The following SGCZ variants were observed in gnomAD, a reference collection of about 807,000 sequenced individuals.
SGCZ encodes the protein sarcoglycan zeta.
In SGCZ, 40 loss-of-function variants were observed where a neutral mutation model predicts 41.3. The observed-to-expected ratio is 0.97, with a 90% CI of 0.75 to 1.26. The LOEUF (loss-of-function observed/expected upper bound fraction) is 1.26. SGCZ is among the 50% of genes most tolerant of loss of function. The pLI, the probability that SGCZ is intolerant of heterozygous loss-of-function variation, is 0.00. For missense variants in SGCZ, 552 were observed against 369.8 expected, an observed-to-expected ratio of 1.49 and a Z score of -4.04; for synonymous variants, 206 against 137.5, an observed-to-expected ratio of 1.50 and a Z score of -3.49.
At chr8:14,945,468 G>C (rs1378248181) in intron 1 of SGCZ, among the ~76,000 whole-genome samples, 1 of 152,022 alleles carries the variant, frequency 6.6e-6, no homozygotes, top group East Asian at 1.9e-4. Flanking sequence ...TGAAGAGTTG[G>C]TCAAATTTTA....
At chr8:14,361,251 TCTC>T (rs1190810951) in intron 2 of SGCZ, among the ~76,000 whole-genome samples, 8 of 152,154 alleles carry the variant, frequency 5.3e-5, no homozygotes, top group Non-Finnish European at 1.0e-4. Flanking sequence ...TTGGTAAAGT[TCTC>T]CTGGATAATA....
intron 1 of SGCZ, among the ~76,000 whole-genome samples, chr8:14,805,946 A>G (rs1439484364): frequency 6.6e-6 from 1 of 150,736 alleles, no homozygotes; most frequent in African/African-American, 2.4e-5. Context: ...CCGCTCAACT[A>G]CATGGAAACT....
At chr8:14,864,818 A>T (rs1346699226) in intron 1 of SGCZ, among the ~76,000 whole-genome samples, 2 of 151,960 alleles carry the variant, frequency 1.3e-5, no homozygotes, top group Non-Finnish European at 2.9e-5. Context: ...GTTCCTCCTT[A>T]TCCTCATCAG....
At chr8:15,191,954 A>G (rs1411498305) in intron 1 of SGCZ, among the ~76,000 whole-genome samples, 1 of 152,096 alleles carries the variant, frequency 6.6e-6, no homozygotes, top group Non-Finnish European at 1.5e-5. Flanking sequence ...CCTGGGCCAA[A>G]CTAAATCTCA....
chr8:14,765,418 G>C (rs889004998), intron 1 of SGCZ, among the ~76,000 whole-genome samples: 3 of 152,120 alleles, frequency 2.0e-5, no homozygotes, highest in African/African-American at 7.2e-5. Context: ...ATGCTATAGA[G>C]ATGAGGCCTA....
rs55747174 is a variant in SGCZ at position 14,820,414 on chromosome 8, G to A, written c.40-265488C>T. ...GGACTGCAATGAAATAATAGTATAG[G>A]ACTTGAGTTCCCCACTTTCATCTAG... On this transcript the variant is annotated intron_variant, in intron 1 of 7. Transcript: ENST00000382080. Among the ~76,000 whole-genome samples the A allele has an allele frequency of 2.9e-3, 444 of 152,056 alleles. 1 individual carries two copies. Among genetic ancestry groups the A allele is most frequent in the Middle Eastern group, 0.014 (4 of 292 alleles).
chr8:14,940,164 C>A (rs1311942873), intron 1 of SGCZ, among the ~76,000 whole-genome samples: 1 of 152,108 alleles, frequency 6.6e-6, no homozygotes, highest in Non-Finnish European at 1.5e-5. Flanking sequence ...AATAGCATAA[C>A]AACCCAAGTT....
intron 4 of SGCZ, among the ~76,000 whole-genome samples, chr8:14,223,528 C>T (rs1001473668): frequency 7.4e-6 from 1 of 135,044 alleles, no homozygotes; most frequent in African/African-American, 2.8e-5. Context: ...ACAGTCACAT[C>T]TAGACCAATA....
chr8:14,515,645 G>C lies in SGCZ; in HGVS notation c.234+39087C>G, dbSNP rs571045797. Among the ~76,000 whole-genome samples, 21 of 152,172 alleles carry C rather than the reference G, an allele frequency of 1.4e-4. No individual in the cohort carries two copies. In the East Asian group the frequency reaches 2.7e-3, roughly 20 times the overall value. ...ATCATAAGTGTTATTTTGTCTATCT[G>C]TAAGTTTATGTGAGTGAAAATTTCT... On this transcript the variant is annotated intron_variant, in intron 2 of 7. Coordinates refer to ENST00000382080, the MANE Select transcript of SGCZ (RefSeq NM_139167.4).
intron 1 of SGCZ, among the ~76,000 whole-genome samples, chr8:15,033,158 C>G (rs1803744247): frequency 6.6e-6 from 1 of 151,240 alleles, no homozygotes; most frequent in Non-Finnish European, 1.5e-5. Flanking sequence ...CACTAGACCC[C>G]AAGTCTGAAT....
chr8:14,545,029 A>C (rs1803581846), intron 2 of SGCZ, among the ~76,000 whole-genome samples: 1 of 152,124 alleles, frequency 6.6e-6, no homozygotes, highest in Admixed American at 6.6e-5. Flanking sequence ...GCGAGCATCA[A>C]GTCCTACAGA....
chr8:14,118,463 C>A (rs894178788), intron 5 of SGCZ, among the ~76,000 whole-genome samples: 1 of 151,970 alleles, frequency 6.6e-6, no homozygotes, highest in Non-Finnish European at 1.5e-5. Context: ...GGATATTAGC[C>A]CTTTGTCAGA....
Position 14,363,642 on chromosome 8 carries a change from G to A in SGCZ, c.235-39438C>T, listed in dbSNP as rs148252338. ...ATAACAACTGGCTAAGAAAAAGTAA[G>A]GAGCATTCAATCCTTTATTCAGTTT... On this transcript the variant is annotated intron_variant, in intron 2 of 7. Coordinates refer to ENST00000382080, the MANE Select transcript of SGCZ (RefSeq NM_139167.4). 2.6e-5 allele frequency among the ~76,000 whole-genome samples: 4 copies of A among 152,194 alleles called. No homozygotes were observed. The East Asian group carries it at 7.7e-4, about 29-fold the overall frequency.
chr8:14,212,040 C>T (rs1805826454), intron 4 of SGCZ, among the ~76,000 whole-genome samples: 1 of 152,218 alleles, frequency 6.6e-6, no homozygotes, highest in East Asian at 1.9e-4. Context: ...CCTCTATCTG[C>T]TATTCTGTAT....
At chr8:15,122,826 A>G (rs1213408827) in intron 1 of SGCZ, among the ~76,000 whole-genome samples, 1 of 152,162 alleles carries the variant, frequency 6.6e-6, no homozygotes. Context: ...GAGATTCAGG[A>G]GGTCTGGAAA....
rs148700775 is a variant in SGCZ, at chr8:14,277,319, T to C, written c.337-39640A>G. Among the ~76,000 whole-genome samples the C allele has an allele frequency of 4.5e-3, 674 of 151,166 alleles. 14 individuals carry two copies. Among genetic ancestry groups the C allele is most frequent in the Non-Finnish European group, 2.3e-3 (159 of 67,828 alleles). On this transcript the variant is annotated intron_variant, in intron 3 of 7. Coordinates refer to ENST00000382080, the MANE Select transcript of SGCZ (RefSeq NM_139167.4). ...CATGTTCCTTCATAAGTTTCAGCTT[T>C]TGCAATCCTGTCCCCTTTACATAGT...
intron 1 of SGCZ, among the ~76,000 whole-genome samples, chr8:15,184,913 C>T (rs144368353): frequency 6.6e-6 from 1 of 152,228 alleles, no homozygotes; most frequent in African/African-American, 2.4e-5. Flanking sequence ...TCTAGATACA[C>T]ATGCTGTCTG....
intron 1 of SGCZ, among the ~76,000 whole-genome samples, chr8:14,765,078 G>C (rs1327380793): frequency 1.3e-5 from 2 of 152,124 alleles, no homozygotes; most frequent in Non-Finnish European, 2.9e-5. Context: ...GTACCTAAGA[G>C]TTCACTTCTG....
At chr8:14,575,255 C>G (rs988874420) in intron 1 of SGCZ, among the ~76,000 whole-genome samples, 2 of 152,136 alleles carry the variant, frequency 1.3e-5, no homozygotes, top group African/African-American at 2.4e-5. Flanking sequence ...AAGTAAACCA[C>G]TGGAATATAA....
Sources: gnomAD v4.1 joint callset for allele counts (sites outside exome capture counted in the v4.1 genomes callset) on GRCh38, gnomAD v4.1.1 for gene constraint, MANE v1.5 for transcripts, NCBI Gene and HGNC (gene_info 2026-07-23, HGNC 2026-07-21) for gene names.